Variants in CCDC77 observed in about 807,000 individuals in gnomAD.
The protein encoded by CCDC77 is coiled-coil domain-containing protein 77.
Under a neutral mutation model 66.8 loss-of-function variants are expected in CCDC77, and 56 were observed. The ratio of observed to expected loss-of-function variants is 0.84; its 90% CI spans 0.68 to 1.05. The LOEUF is 1.05. Among genes scored for constraint, CCDC77 ranks in the 50% least tolerant of loss-of-function variants. The pLI is 0.00. For synonymous variants in CCDC77, 196 were observed against 195.2 expected, an observed-to-expected ratio of 1.00 and a Z score of -0.03; for missense variants, 570 against 576.8, an observed-to-expected ratio of 0.99 and a Z score of 0.12.
intron 1 of CCDC77, chr12:394,981 A>G (rs911441215): frequency 6.6e-6 from 1 of 152,244 alleles, no homozygotes; most frequent in Non-Finnish European, 1.5e-5. Flanking sequence ...GCTAATAAAT[A>G]TATACTATTT....
At position 409,492 on chromosome 12, in the gene CCDC77, C is replaced by T; in HGVS notation, c.38+71C>T. 3 of 1,363,778 alleles carry T rather than the reference C, an allele frequency of 2.2e-6. No individual in the cohort carries two copies. In the South Asian group the frequency reaches 3.5e-5, roughly 16 times the overall value. 84.5% of individuals were successfully genotyped at this position (1,363,778 alleles called of 1,614,324 possible). On this transcript the variant is annotated intron_variant, in intron 3 of 12. Transcript: ENST00000239830. ...TATAGCCTTAGTCTAAGCATAGGAA[C>T]TGGAAAGGTATTGGAAACATATTTC...
chr12:403,446 C>T (rs565782672), intron 1 of CCDC77, among the ~76,000 whole-genome samples: 1 of 152,284 alleles, frequency 6.6e-6, no homozygotes, highest in Admixed American at 6.5e-5. Flanking sequence ...GACTCAAACC[C>T]AAGTCTGATA....
chr12:425,210 C>T (rs1443741609), intron 5 of CCDC77, among the ~76,000 whole-genome samples: 2 of 151,016 alleles, frequency 1.3e-5, no homozygotes, highest in African/African-American at 2.5e-5. Flanking sequence ...GGATGTCAAG[C>T]GTGAGCCACC....
At chr12:417,540 CTG>C (rs1045989084) in intron 4 of CCDC77, among the ~76,000 whole-genome samples, 2 of 152,184 alleles carry the variant, frequency 1.3e-5, no homozygotes, top group Admixed American at 1.3e-4. Context: ...TTCCGTAGCT[CTG>C]TAGACAGGAA....
intron 1 of CCDC77, among the ~76,000 whole-genome samples, chr12:390,695 A>G (rs553209092): frequency 6.6e-6 from 1 of 152,094 alleles, no homozygotes; most frequent in South Asian, 2.1e-4. Context: ...TGGAAGCTCT[A>G]TAATCAAGTG....
At chr12:399,332 C>G (rs537759300), upstream of CCDC77, among the ~76,000 whole-genome samples, 1 of 152,244 alleles carries the variant, frequency 6.6e-6, no homozygotes, top group South Asian at 2.1e-4. Context: ...CCATCATGGC[C>G]AGCTAATTTT....
chr12:401,972 T>C (rs1944904549), intron 1 of CCDC77, among the ~76,000 whole-genome samples: 1 of 150,238 alleles, frequency 6.7e-6, no homozygotes, highest in South Asian at 2.1e-4. Context: ...CGTTCCGGTG[T>C]ACTCTAACCC....
chr12:441,911 A>G lies in CCDC77; in HGVS notation c.1458A>G (p.Arg486=). The change falls in exon 13 of 13, where the codon AGA becomes AGG. Residue 486 remains arginine (R), a synonymous_variant. Transcript: ENST00000239830. ...SKVFGLENEL[R]LC ...TGTTTGGTCTGGAGAATGAACTTAGACTCTGTTAATGTCTACTTTTGGAAA... is the reference window on the plus strand; with the variant it reads ...TGTTTGGTCTGGAGAATGAACTTAGGCTCTGTTAATGTCTACTTTTGGAAA... 1 of 1,613,306 alleles carries G rather than the reference A, an allele frequency of 6.2e-7. No homozygotes were observed.
chr12:390,120 C>CAAAAAAA (rs11330348), intron 1 of CCDC77: 6 of 73,398 alleles, frequency 8.2e-5, no homozygotes, highest in Non-Finnish European at 1.3e-4. Flanking sequence ...GTTGCCTGAG[C>CAAAAAAA]AAAAAAAAAA....
At chr12:418,872 T>C (rs1945337468) in intron 5 of CCDC77, 1 of 431,706 alleles carries the variant, frequency 2.3e-6, no homozygotes, top group East Asian at 4.1e-5. Flanking sequence ...CTCATTTTTG[T>C]ATTTTTAGTG....
chr12:430,685 A>G lies in CCDC77; in HGVS notation c.532A>G (p.Ile178Val). The change falls in exon 7 of 13, where the codon ATC (isoleucine) becomes GTC (valine). Residue 178 changes from isoleucine to valine, a missense_variant. By Grantham distance (29) the Ile-to-Val change is conservative. Coordinates refer to ENST00000239830, the MANE Select transcript of CCDC77 (RefSeq NM_032358.4). ...PHKVTILQKTIQAVGECEQSE... is the reference protein window; with the variant it reads ...PHKVTILQKTVQAVGECEQSE... ...TCAGGTCACCATTCTCCAAAAGACT[A>G]TCCAGGCTGTAGGTGAATGTGAGCA... 6.2e-7 allele frequency: 1 copy of G among 1,613,974 alleles called. No homozygotes were observed. Among genetic ancestry groups the G allele is most frequent in the South Asian group, 1.1e-5 (1 of 91,086 alleles).
chr12:401,530 T>G (rs1232359655), upstream of CCDC77: 1 of 152,310 alleles, frequency 6.6e-6, no homozygotes. Context: ...GGCGGGCCTC[T>G]GTGTGAAGGC....
intron 5 of CCDC77, among the ~76,000 whole-genome samples, chr12:424,403 C>T (rs143241324): frequency 6.7e-6 from 1 of 150,236 alleles, no homozygotes; most frequent in Non-Finnish European, 1.5e-5. Context: ...GGGTATCACT[C>T]TGTCGGCCAG....
chr12:426,027 C>A (rs979588404), intron 5 of CCDC77, among the ~76,000 whole-genome samples: 1 of 152,124 alleles, frequency 6.6e-6, no homozygotes, highest in Non-Finnish European at 1.5e-5. Context: ...TCACGCCCAG[C>A]TAATTTTTGT....
Position 438,523 on chromosome 12 carries a change from A to G in CCDC77, c.1010A>G (p.Glu337Gly), listed in dbSNP as rs1945796876. 1 of 1,612,934 alleles carries G rather than the reference A, an allele frequency of 6.2e-7. No individual in the cohort carries two copies. Residue 337 changes from glutamate to glycine, a missense_variant, in exon 10 of 13, where the codon GAG becomes GGG. Transcript: ENST00000239830. ...KIGKVLPVMH[E>G]SHHAQSEYIK... ...GGAAAAGTGTTGCCCGTTATGCATGAGAGTCACCATGCTCAAAGTGAATAT... is the reference window on the plus strand; with the variant it reads ...GGAAAAGTGTTGCCCGTTATGCATGGGAGTCACCATGCTCAAAGTGAATAT...
chr12:397,124 A>G (rs1288449569), upstream of CCDC77, among the ~76,000 whole-genome samples: 2 of 152,100 alleles, frequency 1.3e-5, no homozygotes, highest in African/African-American at 2.4e-5. Flanking sequence ...CTGTAATCCC[A>G]CCACTTTGGG....
At position 428,794 on chromosome 12, in the gene CCDC77, C is replaced by G; in HGVS notation, c.439C>G (p.Gln147Glu). ...IRELEDKKKI[Q>E]NLLALVGTDA... is the part of the protein sequence containing the mutation. ...GGAGCTAGAAGACAAGAAAAAGATT[C>G]AGAATCTCTTGGCTCTTGTGGGAAC... The change falls in exon 6 of 13, where the codon CAG (glutamine) becomes GAG (glutamate). Residue 147 changes from glutamine to glutamate, a missense_variant. Gln to Glu is a conservative substitution (Grantham distance 29). Transcript: ENST00000239830. 1 of 1,611,684 alleles carries G rather than the reference C, an allele frequency of 6.2e-7. No individual in the cohort carries two copies. The highest frequency in any genetic ancestry group is 8.5e-7 in the Non-Finnish European group (1 of 1,178,996).
intron 3 of CCDC77, among the ~76,000 whole-genome samples, chr12:411,052 G>T (rs1945098617): frequency 6.6e-6 from 1 of 151,410 alleles, no homozygotes; most frequent in Non-Finnish European, 1.5e-5. Flanking sequence ...AGCTGGGACT[G>T]CTCAGCTACT....
intron 3 of CCDC77, 67 bp from the exon 4 acceptor site, chr12:411,680 T>C (rs1018379138): frequency 7.7e-7 from 1 of 1,303,238 alleles, no homozygotes; most frequent in African/African-American, 1.5e-5. Flanking sequence ...CCCCCTTTTA[T>C]TTAGGAAGTT....
Sources: allele counts gnomAD v4.1 joint callset (sites outside exome capture counted in the v4.1 genomes callset), GRCh38; gene constraint gnomAD v4.1.1; transcripts MANE v1.5; gene names NCBI Gene and HGNC (gene_info 2026-07-23, HGNC 2026-07-21).